Variants in MCU observed in about 807,000 individuals in gnomAD.
MCU encodes the protein calcium uniporter protein, mitochondrial.
In MCU, 12 loss-of-function variants were observed where a neutral mutation model predicts 45.2. The observed-to-expected ratio is 0.27, with a 90% CI of 0.17 to 0.43. The LOEUF (loss-of-function observed/expected upper bound fraction) is 0.43. MCU is among the 20% of genes least tolerant of loss of function. The pLI is 1.00. For synonymous variants in MCU, 160 were observed against 165.1 expected, an observed-to-expected ratio of 0.97 and a Z score of 0.24; for missense variants, 324 against 436.7, an observed-to-expected ratio of 0.74 and a Z score of 2.30.
chr10:72,755,232 T>G (rs1219936209), intron 1 of MCU, among the ~76,000 whole-genome samples: 1 of 148,276 alleles, frequency 6.7e-6, no homozygotes, highest in Non-Finnish European at 1.5e-5. Context: ...CACTGCAACC[T>G]CTGCCTCCCG....
At chr10:72,786,717 A>G (rs151303836) in intron 1 of MCU, among the ~76,000 whole-genome samples, 1 of 152,132 alleles carries the variant, frequency 6.6e-6, no homozygotes, top group Non-Finnish European at 1.5e-5. Flanking sequence ...CTTCACTCCA[A>G]CCTGGGCAAC....
intron 6 of MCU, among the ~76,000 whole-genome samples, chr10:72,878,678 G>A (rs1292311245): frequency 6.6e-6 from 1 of 152,092 alleles, no homozygotes; most frequent in African/African-American, 2.4e-5. Context: ...TTTAATAGCA[G>A]ATTAGACATA....
intron 2 of MCU, among the ~76,000 whole-genome samples, chr10:72,849,915 CTTTTTTTTTTT>C (rs34763405): frequency 4.2e-5 from 6 of 141,350 alleles, no homozygotes; most frequent in African/African-American, 1.6e-4. Flanking sequence ...TTATCTTTTT[CTTTTTTTTTTT>C]TTTTTAGACA....
chr10:72,693,396 T>C (rs1284843899), intron 1 of MCU, among the ~76,000 whole-genome samples: 1 of 152,132 alleles, frequency 6.6e-6, no homozygotes, highest in Non-Finnish European at 1.5e-5. Context: ...TATAGTGTGA[T>C]TATTGGAGGA....
chr10:72,763,197 C>T (rs1169551935), intron 1 of MCU, among the ~76,000 whole-genome samples: 2 of 152,272 alleles, frequency 1.3e-5, no homozygotes, highest in African/African-American at 2.4e-5. Context: ...AAGTCCTTAG[C>T]CACATCTGTA....
chr10:72,756,154 T>A (rs1238102177), intron 1 of MCU, among the ~76,000 whole-genome samples: 1 of 151,984 alleles, frequency 6.6e-6, no homozygotes, highest in African/African-American at 2.4e-5. Flanking sequence ...CCTGGCTAAT[T>A]TTTTGTGTTT....
intron 1 of MCU, among the ~76,000 whole-genome samples, chr10:72,724,037 T>TA (rs1418872596): frequency 2.6e-5 from 4 of 152,246 alleles, no homozygotes; most frequent in Non-Finnish European, 4.4e-5. Context: ...TCATCAAGAA[T>TA]ATTAAGAAAT....
At chr10:72,871,772 C>T (rs1845546396) in intron 6 of MCU, among the ~76,000 whole-genome samples, 192 bp downstream of exon 6, 1 of 152,178 alleles carries the variant, frequency 6.6e-6, no homozygotes, top group South Asian at 2.1e-4. Context: ...AGATATAAGA[C>T]ATGACTTCCA....
At chr10:72,783,472 C>T (rs1398702826) in intron 1 of MCU, among the ~76,000 whole-genome samples, 3 of 150,258 alleles carry the variant, frequency 2.0e-5, no homozygotes, top group Non-Finnish European at 4.4e-5. Flanking sequence ...TGCCATGTGC[C>T]ACTTATTCAA....
intron 1 of MCU, among the ~76,000 whole-genome samples, chr10:72,726,708 A>G (rs1843106608): frequency 6.6e-6 from 1 of 152,304 alleles, no homozygotes; most frequent in African/African-American, 2.4e-5. Context: ...GGTCCAAAGC[A>G]TTTCCAATGA....
At chr10:72,866,705 T>A (rs931553947) in intron 4 of MCU, among the ~76,000 whole-genome samples, 11 of 152,124 alleles carry the variant, frequency 7.2e-5, no homozygotes, top group Non-Finnish European at 1.6e-4. Context: ...GTTTTATAAA[T>A]ACATGGGGAA....
chr10:72,764,598 A>G (rs1843699291), intron 1 of MCU, among the ~76,000 whole-genome samples: 1 of 152,162 alleles, frequency 6.6e-6, no homozygotes, highest in Admixed American at 6.5e-5. Context: ...TTAAATGGTG[A>G]TTATACTTTT....
intron 4 of MCU, chr10:72,861,646 C>T (rs1398764442): frequency 2.4e-5 from 9 of 378,046 alleles, no homozygotes; most frequent in Admixed American, 2.0e-4. Context: ...TATGCCCAGC[C>T]GCCAGGCTAA....
At chr10:72,819,557 C>T (rs532862123) in intron 1 of MCU, among the ~76,000 whole-genome samples, 2 of 152,208 alleles carry the variant, frequency 1.3e-5, no homozygotes, top group African/African-American at 4.8e-5. Flanking sequence ...TTATCACTTT[C>T]AGTTTCCTAG....
chr10:72,877,507 C>G (rs574381948), intron 6 of MCU, among the ~76,000 whole-genome samples: 2 of 152,174 alleles, frequency 1.3e-5, no homozygotes, highest in East Asian at 3.9e-4. Flanking sequence ...TATCTATTAT[C>G]TATCATCATC....
intron 1 of MCU, among the ~76,000 whole-genome samples, chr10:72,795,733 C>T (rs1464430062): frequency 1.3e-5 from 2 of 152,128 alleles, no homozygotes; most frequent in Non-Finnish European, 2.9e-5. Context: ...GGCACAGTGG[C>T]TTATGCCTGT....
intron 2 of MCU, among the ~76,000 whole-genome samples, chr10:72,849,522 G>C (rs1212018757): frequency 6.6e-6 from 1 of 152,128 alleles, no homozygotes; most frequent in Non-Finnish European, 1.5e-5. Context: ...TTGAATATAG[G>C]CTTGGGATAT....
In MCU at chr10:72,885,921, C is replaced by A; in HGVS notation, c.*99C>A. On this transcript the variant is annotated 3_prime_UTR_variant, in exon 8 of 8. Coordinates refer to ENST00000373053, the MANE Select transcript of MCU (RefSeq NM_138357.3). ...GCTGGGAGCCATGTGGGGGGTAGAG[C>A]GTTTTTACCTTTAATTATAAAACAA... The A allele has an allele frequency of 1.2e-6, 1 of 848,930 alleles. No individual in the cohort carries two copies. Among genetic ancestry groups the A allele is most frequent in the African/African-American group, 1.7e-5 (1 of 58,366 alleles). The allele number at this position is 848,930 out of a possible 1,614,324, so 52.6% of individuals were successfully genotyped here.
chr10:72,792,467 G>A (rs900042634), intron 1 of MCU, among the ~76,000 whole-genome samples: 8 of 152,128 alleles, frequency 5.3e-5, no homozygotes, highest in Admixed American at 6.5e-5. Flanking sequence ...CTCTCAGGAA[G>A]AAATTTAGAA....
Sources: allele counts gnomAD v4.1 joint callset (sites outside exome capture counted in the v4.1 genomes callset), GRCh38; gene constraint gnomAD v4.1.1; transcripts MANE v1.5; gene names NCBI Gene and HGNC (gene_info 2026-07-23, HGNC 2026-07-21).